CSMD3: variants seen among roughly 807,000 people sequenced by gnomAD.
CSMD3 encodes CUB and sushi domain-containing protein 3.
A neutral mutation model predicts 435.2 loss-of-function variants in CSMD3; 177 were observed. The ratio of observed to expected loss-of-function variants is 0.41; its 90% CI spans 0.36 to 0.46. The LOEUF is 0.46. Ranked by LOEUF, CSMD3 falls within the 20% of genes least tolerant of loss-of-function variation. CSMD3 has a pLI of 0.34. For synonymous variants in CSMD3, 1,656 were observed against 1,520.5 expected, an observed-to-expected ratio of 1.09 and a Z score of -2.07; for missense variants, 4,265 against 4,504.6, an observed-to-expected ratio of 0.95 and a Z score of 1.52.
At chr8:113,018,990 T>G in intron 6 of CSMD3, 77 bp downstream of exon 6, 1 of 966,610 alleles carries the variant, frequency 1.0e-6, no homozygotes, top group Non-Finnish European at 1.7e-6. Context: ...AAAGACATTT[T>G]TCTATCACAA....
At chr8:112,604,510 C>T (rs1453302268) in intron 22 of CSMD3, among the ~76,000 whole-genome samples, 3 of 151,908 alleles carry the variant, frequency 2.0e-5, no homozygotes, top group Non-Finnish European at 4.4e-5. Flanking sequence ...TTTGACAAAG[C>T]CAACAAAAAC....
chr8:113,070,535 G>T (rs1018924176), intron 5 of CSMD3, among the ~76,000 whole-genome samples: 2 of 151,894 alleles, frequency 1.3e-5, no homozygotes, highest in Non-Finnish European at 2.9e-5. Flanking sequence ...TTACCATGCT[G>T]AACATTAGAT....
In CSMD3 at chr8:112,314,153, C is replaced by T. The variant is rs1822249281; in HGVS notation, c.7550-101G>A. 1.6e-5 allele frequency: 14 copies of T among 902,164 alleles called. No individual in the cohort carries two copies. The South Asian group carries it at 1.9e-4, about 12-fold the overall frequency. The allele number at this position is 902,164 out of a possible 1,614,324, so 55.9% of individuals were successfully genotyped here. On this transcript the variant is annotated intron_variant, in intron 48 of 70. Coordinates refer to ENST00000297405, the MANE Select transcript of CSMD3 (RefSeq NM_198123.2). ...AATAGTATTAAATATGGTTAAATTG[C>T]TTCACCACCAATCTACCTCATTAAC...
intron 13 of CSMD3, among the ~76,000 whole-genome samples, chr8:112,693,431 A>C (rs1481369279): frequency 6.6e-6 from 1 of 152,006 alleles, no homozygotes; most frequent in African/African-American, 2.4e-5. Context: ...GTAAGGTATA[A>C]AATTTTAATT....
chr8:113,051,475 C>T (rs1490547451), intron 5 of CSMD3, among the ~76,000 whole-genome samples: 1 of 152,008 alleles, frequency 6.6e-6, no homozygotes, highest in Non-Finnish European at 1.5e-5. Flanking sequence ...TTGTTTTTTA[C>T]CGTTAAAGCT....
At chr8:112,630,536 A>G (rs1368346982) in intron 22 of CSMD3, among the ~76,000 whole-genome samples, 1 of 152,104 alleles carries the variant, frequency 6.6e-6, no homozygotes, top group African/African-American at 2.4e-5. Context: ...GCCGTGTATT[A>G]TTATTCTTAT....
At chr8:112,336,260 T>C (rs1388963) in intron 44 of CSMD3, among the ~76,000 whole-genome samples, 65,934 of 151,990 alleles carry the variant, frequency 0.43, 14,905 homozygotes, top group Middle Eastern at 0.53. Context: ...TTTAATACAA[T>C]TAAATTTTTA....
intron 22 of CSMD3, among the ~76,000 whole-genome samples, chr8:112,633,330 T>G (rs1291384410): frequency 1.3e-5 from 2 of 151,962 alleles, no homozygotes; most frequent in African/African-American, 2.4e-5. Flanking sequence ...TCAGAGACAA[T>G]GGTGTGCTAC....
intron 30 of CSMD3, among the ~76,000 whole-genome samples, chr8:112,496,730 G>A (rs534781604): frequency 6.6e-6 from 1 of 152,230 alleles, no homozygotes; most frequent in East Asian, 1.9e-4. Context: ...TTATTTGTGG[G>A]AGCTAAAAAT....
intron 13 of CSMD3, among the ~76,000 whole-genome samples, chr8:112,719,950 A>T (rs2076820942): frequency 6.6e-6 from 1 of 152,174 alleles, no homozygotes; most frequent in Admixed American, 6.5e-5. Flanking sequence ...GTAGTCAATT[A>T]GGTAAGATTT....
At chr8:113,045,936 G>C (rs571813977) in intron 5 of CSMD3, among the ~76,000 whole-genome samples, 2 of 149,108 alleles carry the variant, frequency 1.3e-5, no homozygotes, top group Admixed American at 1.3e-4. Context: ...TTTTCTTTTA[G>C]ACCAAAATAT....
intron 10 of CSMD3, among the ~76,000 whole-genome samples, chr8:112,908,239 C>T (rs1450469099): frequency 6.6e-6 from 1 of 151,292 alleles, no homozygotes. Context: ...AGGGTATATC[C>T]TGTATTTAAT....
intron 13 of CSMD3, among the ~76,000 whole-genome samples, chr8:112,746,595 T>C (rs115826224): frequency 2.5e-3 from 380 of 152,184 alleles, no homozygotes; most frequent in African/African-American, 8.3e-3. Context: ...ATGTAATTAG[T>C]ACCTCTTTCT....
chr8:112,862,852 CA>C (rs1035802016), intron 10 of CSMD3, among the ~76,000 whole-genome samples: 1 of 151,892 alleles, frequency 6.6e-6, no homozygotes, highest in Non-Finnish European at 1.5e-5. Context: ...AGTATACTCC[CA>C]AAAATAATAT....
At chr8:112,390,454 C>T (rs1312228071) in intron 36 of CSMD3, among the ~76,000 whole-genome samples, 1 of 152,150 alleles carries the variant, frequency 6.6e-6, no homozygotes, top group Admixed American at 6.5e-5. Context: ...ATGGGGTTAA[C>T]ACATTTTTTT....
At chr8:112,397,767 T>G (rs1468539714) in intron 35 of CSMD3, among the ~76,000 whole-genome samples, 2 of 152,178 alleles carry the variant, frequency 1.3e-5, no homozygotes, top group African/African-American at 4.8e-5. Flanking sequence ...TGGGTTAGGA[T>G]TCTAACATAT....
intron 4 of CSMD3, among the ~76,000 whole-genome samples, chr8:113,134,444 A>T (rs147250567): frequency 1.4e-3 from 209 of 152,188 alleles, no homozygotes; most frequent in African/African-American, 4.8e-3. Flanking sequence ...TCATTGCATC[A>T]CACAGTATTC....
At chr8:112,402,351 T>C (rs965414572) in intron 35 of CSMD3, among the ~76,000 whole-genome samples, 1 of 152,322 alleles carries the variant, frequency 6.6e-6, no homozygotes, top group Admixed American at 6.5e-5. Flanking sequence ...CCTTTCACGT[T>C]AATTAGCACA....
intron 7 of CSMD3, among the ~76,000 whole-genome samples, chr8:112,965,054 C>G (rs765623246): frequency 9.9e-5 from 15 of 151,854 alleles, no homozygotes; most frequent in Non-Finnish European, 1.6e-4. Flanking sequence ...GTGAAAATGC[C>G]CTGAAATAAT....
Sources: allele counts gnomAD v4.1 joint callset (sites outside exome capture counted in the v4.1 genomes callset), GRCh38; gene constraint gnomAD v4.1.1; transcripts MANE v1.5; gene names NCBI Gene and HGNC (gene_info 2026-07-23, HGNC 2026-07-21).